The following MYCBP2 variants were observed in gnomAD, a reference collection of about 807,000 sequenced individuals.
The protein encoded by MYCBP2 is E3 ubiquitin-protein ligase MYCBP2.
MYCBP2 carries 120 observed loss-of-function variants against 525.3 expected under a neutral mutation model. The observed-to-expected ratio is 0.23, with a 90% confidence interval of 0.20 to 0.27. MYCBP2 has a LOEUF of 0.27. MYCBP2 is among the 10% of genes least tolerant of loss of function. The pLI is 1.00. For synonymous variants in MYCBP2, 1,894 were observed against 1,955.8 expected (o/e 0.97, Z 0.83); for missense variants, 4,149 against 5,657.1 (o/e 0.73, Z 8.55).
chr13:77,051,924 G>A lies in MYCBP2; in HGVS notation c.13648-6C>T. The A allele has an allele frequency of 6.2e-7, 1 of 1,611,236 alleles. No homozygotes were observed. Among genetic ancestry groups the A allele is most frequent in the Non-Finnish European group, 8.5e-7 (1 of 1,177,496 alleles). ...GCTTCACCACCAAAATATGCCTGTG[G>A]AGAAAACACATCTAGATTACAGCAG... On this transcript the variant is annotated splice_polypyrimidine_tract_variant and splice_region_variant and intron_variant, in intron 80 of 82. Transcript: ENST00000544440.
chr13:77,253,843 G>C (rs1045563804), intron 14 of MYCBP2, among the ~76,000 whole-genome samples: 1 of 151,894 alleles, frequency 6.6e-6, no homozygotes, highest in Non-Finnish European at 1.5e-5. Context: ...AGTATAAATT[G>C]TTACAATCTC....
At chr13:77,250,713 T>G (rs2071053079) in intron 15 of MYCBP2, among the ~76,000 whole-genome samples, 2 of 152,258 alleles carry the variant, frequency 1.3e-5, no homozygotes, top group Admixed American at 1.3e-4. Context: ...TTTCTAAATT[T>G]ATAAATGGTA....
intron 3 of MYCBP2, among the ~76,000 whole-genome samples, chr13:77,282,633 T>C (rs953353491): frequency 5.9e-5 from 9 of 151,932 alleles, no homozygotes; most frequent in African/African-American, 1.2e-4. Flanking sequence ...TGTGCCTACA[T>C]AGTGATAACT....
At position 77,081,772 on chromosome 13, in the gene MYCBP2, A is replaced by C. The variant is rs112364456; in HGVS notation, c.11193+65T>G. The C allele has an allele frequency of 7.1e-6, 11 of 1,552,262 alleles. 1 individual carries two copies. Among genetic ancestry groups the C allele is most frequent in the African/African-American group, 1.4e-5 (1 of 72,918 alleles). On this transcript the variant is annotated intron_variant, in intron 64 of 82. Transcript: ENST00000544440. The surrounding 1 kb of genome is among the most constrained non-coding windows in gnomAD (Gnocchi z 4.6). ...GGATCAAATTGATTATGAATAACTT[A>C]CAGTTTCTCCTTTGATGTATTATTA...
At position 77,176,579 on chromosome 13, in the gene MYCBP2, T is replaced by A. The variant is rs1242719341; in HGVS notation, c.5390A>T (p.Glu1797Val). Residue 1797 changes from glutamate (E) to valine (V), a missense_variant, in exon 36 of 83, where the codon GAA becomes GTA. By Grantham distance (121) the Glu-to-Val change is moderately radical. Coordinates refer to ENST00000544440, the MANE Select transcript of MYCBP2 (RefSeq NM_015057.5). Reference sequence around the variant, plus strand: ...CGTTGTGTACGTTCCTTTCACTAATTCCAGAGATGTCCATCTGTGGGAATG... The same window carrying A: ...CGTTGTGTACGTTCCTTTCACTAATACCAGAGATGTCCATCTGTGGGAATG... ...STHSHRWTSLELVKGTYTTDD... is the reference protein window; with the variant it reads ...STHSHRWTSLVLVKGTYTTDD... 6.3e-7 allele frequency: 1 copy of A among 1,595,316 alleles called. No homozygotes were observed. The highest frequency in any genetic ancestry group is 1.7e-5 in the Admixed American group (1 of 59,790).
chr13:77,287,257 C>T (rs1226582522), intron 3 of MYCBP2, among the ~76,000 whole-genome samples: 1 of 150,630 alleles, frequency 6.6e-6, no homozygotes, highest in Non-Finnish European at 1.5e-5. Flanking sequence ...ATGATCTCGG[C>T]TCACTGCAAC....
intron 14 of MYCBP2, among the ~76,000 whole-genome samples, chr13:77,254,509 A>G (rs2071810279): frequency 6.6e-6 from 1 of 151,902 alleles, no homozygotes; most frequent in Non-Finnish European, 1.5e-5. Context: ...ATTGATACAT[A>G]ACTGTTATAC....
intron 55 of MYCBP2, among the ~76,000 whole-genome samples, chr13:77,116,582 T>C (rs2049819494): frequency 6.6e-6 from 1 of 152,060 alleles, no homozygotes; most frequent in Non-Finnish European, 1.5e-5. Flanking sequence ...GAATAAGAAG[T>C]TTAAAACAAG....
chr13:77,153,327 C>T (rs1398988481), intron 46 of MYCBP2, among the ~76,000 whole-genome samples: 2 of 152,310 alleles, frequency 1.3e-5, no homozygotes, highest in South Asian at 2.1e-4. Context: ...CTTGCCTGGG[C>T]CCTGGCACCT....
intron 49 of MYCBP2, among the ~76,000 whole-genome samples, chr13:77,142,263 C>T (rs2054787677): frequency 6.6e-6 from 1 of 152,140 alleles, no homozygotes; most frequent in African/African-American, 2.4e-5. Context: ...TTTTCACAAT[C>T]CTCATTAAAG....
At chr13:77,156,397 G>A (rs1006091133) in intron 45 of MYCBP2, among the ~76,000 whole-genome samples, 195 bp from the exon 46 acceptor site, 1 of 152,170 alleles carries the variant, frequency 6.6e-6, no homozygotes, top group Admixed American at 6.5e-5. Flanking sequence ...TAAAAAACAT[G>A]CCTAAGCACA....
intron 26 of MYCBP2, among the ~76,000 whole-genome samples, chr13:77,200,625 T>C (rs2062403256): frequency 6.6e-6 from 1 of 152,046 alleles, no homozygotes; most frequent in African/African-American, 2.4e-5. Flanking sequence ...GGAAAAAATG[T>C]TAAGGGCAGC....
At chr13:77,288,898 T>C (rs1482873990) in intron 2 of MYCBP2, among the ~76,000 whole-genome samples, 1 of 152,206 alleles carries the variant, frequency 6.6e-6, no homozygotes, top group African/African-American at 2.4e-5. Flanking sequence ...AAACTGTAGA[T>C]GCTTCCCTAA....
chr13:77,279,742 T>A (rs60429544), intron 3 of MYCBP2, among the ~76,000 whole-genome samples: 4,485 of 152,322 alleles, frequency 0.029, 96 homozygotes, highest in East Asian at 0.053. Flanking sequence ...ACTCATATTG[T>A]GCAAACTCAC....
chr13:77,205,904 A>T (rs1173879640), intron 24 of MYCBP2, among the ~76,000 whole-genome samples: 1 of 152,172 alleles, frequency 6.6e-6, no homozygotes, highest in Non-Finnish European at 1.5e-5. Context: ...AATTAGTTTG[A>T]TTCTTAAAGT....
At chr13:77,076,730 C>T in intron 68 of MYCBP2, 21 bp downstream of exon 68, 2 of 1,387,618 alleles carry the variant, frequency 1.4e-6, no homozygotes, top group Non-Finnish European at 2.0e-6. Context: ...AAATAAATAT[C>T]TTTAGAATAC....
At chr13:77,274,482 G>A (rs556317671) in intron 4 of MYCBP2, among the ~76,000 whole-genome samples, 2 of 152,192 alleles carry the variant, frequency 1.3e-5, no homozygotes, top group East Asian at 1.9e-4. Flanking sequence ...ATGAAGAGAG[G>A]GAAAGGGAAG....
intron 3 of MYCBP2, among the ~76,000 whole-genome samples, chr13:77,282,839 TAG>T (rs956023065): frequency 1.2e-4 from 19 of 152,204 alleles, no homozygotes; most frequent in African/African-American, 4.6e-4. Flanking sequence ...AGAATATCTT[TAG>T]ATTCTGCCTT....
intron 28 of MYCBP2, among the ~76,000 whole-genome samples, chr13:77,191,457 A>G (rs1482895847): frequency 6.6e-6 from 1 of 152,218 alleles, no homozygotes; most frequent in Non-Finnish European, 1.5e-5. Context: ...AAATATATAC[A>G]AATACCATCT....
Sources: gnomAD v4.1 joint callset for allele counts (sites outside exome capture counted in the v4.1 genomes callset) on GRCh38, gnomAD v4.1.1 for gene constraint, Gnocchi (gnomAD v3.1) non-coding constraint, MANE v1.5 for transcripts, NCBI Gene and HGNC (gene_info 2026-07-23, HGNC 2026-07-21) for gene names.